Variants in RYR3 observed in about 807,000 individuals in gnomAD.
RYR3 encodes the protein ryanodine receptor 3.
RYR3 carries 207 observed loss-of-function variants against 584.3 expected under a neutral mutation model. That is an observed-to-expected ratio of 0.35 (90% CI 0.32 to 0.40). RYR3 has a LOEUF of 0.40. Ranked by LOEUF, RYR3 falls within the 10% of genes least tolerant of loss-of-function variation. The pLI is 1.00. For synonymous variants in RYR3, 2,416 were observed against 2,248.5 expected (o/e 1.07, Z -2.11); for missense variants, 5,616 against 6,089.2 (o/e 0.92, Z 2.59).
At position 33,563,030 on chromosome 15, in the gene RYR3, T is replaced by C. The variant is rs1472467320; in HGVS notation, c.1146+20T>C. The C allele has an allele frequency of 1.3e-6, 2 of 1,589,348 alleles. No homozygotes were observed. The highest frequency in any genetic ancestry group is 1.4e-5 in the African/African-American group (1 of 74,050). On this transcript the variant is annotated intron_variant, in intron 11 of 103. Transcript: ENST00000634891. ...AGAAAGGTGAGAGTCAGAATATCTG[T>C]CTACAATTGTTTTACCCTGAGTTGG...
At chr15:33,514,797 C>A (rs575489394) in intron 3 of RYR3, among the ~76,000 whole-genome samples, 1 of 151,822 alleles carries the variant, frequency 6.6e-6, no homozygotes, top group Non-Finnish European at 1.5e-5. Flanking sequence ...GTCAGGAGAT[C>A]GAGACCATCC....
Position 33,853,544 on chromosome 15 carries a change from C to G in RYR3, c.13672-11C>G, listed in dbSNP as rs1417012328. Reference sequence around the variant, plus strand: ...TGTGGCCTGAGCTCACCCTGTCATCCTTTGCTTCAGGTGATCAACAAGTAT... The same window carrying G: ...TGTGGCCTGAGCTCACCCTGTCATCGTTTGCTTCAGGTGATCAACAAGTAT... On this transcript the variant is annotated splice_polypyrimidine_tract_variant and intron_variant, in intron 95 of 103. Coordinates refer to ENST00000634891, the MANE Select transcript of RYR3 (RefSeq NM_001036.6). The G allele has an allele frequency of 6.2e-7, 1 of 1,612,346 alleles. No homozygotes were observed. The highest frequency in any genetic ancestry group is 1.3e-5 in the African/African-American group (1 of 74,874).
chr15:33,539,106 C>T (rs1052763403), intron 5 of RYR3: 15 of 300,916 alleles, frequency 5.0e-5, no homozygotes, highest in South Asian at 1.1e-4. Flanking sequence ...CTATAGTTTC[C>T]GGCCTCCAAT....
chr15:33,332,198 T>C (rs563658272), intron 1 of RYR3, among the ~76,000 whole-genome samples: 1 of 152,188 alleles, frequency 6.6e-6, no homozygotes, highest in South Asian at 2.1e-4. Context: ...AGCTAAAGAT[T>C]CTCAGAATGG....
At chr15:33,366,195 G>A (rs954334094) in intron 1 of RYR3, among the ~76,000 whole-genome samples, 2 of 152,060 alleles carry the variant, frequency 1.3e-5, no homozygotes, top group Non-Finnish European at 2.9e-5. Flanking sequence ...ATTGGCAAAT[G>A]TGTTTTATGA....
At chr15:33,641,288 G>A (rs1467909402) in intron 27 of RYR3, among the ~76,000 whole-genome samples, 1 of 152,242 alleles carries the variant, frequency 6.6e-6, no homozygotes, top group African/African-American at 2.4e-5. Flanking sequence ...CCAGGTAGCA[G>A]ATGTTGAGCC....
At chr15:33,772,802 T>C (rs2073683338) in intron 63 of RYR3, among the ~76,000 whole-genome samples, 1 of 152,236 alleles carries the variant, frequency 6.6e-6, no homozygotes, top group South Asian at 2.1e-4. Context: ...CAGTGATTTC[T>C]GTTGTGTGGG....
intron 17 of RYR3, among the ~76,000 whole-genome samples, chr15:33,602,062 C>T (rs558593752): frequency 2.2e-4 from 33 of 152,322 alleles, no homozygotes; most frequent in African/African-American, 7.7e-4. Flanking sequence ...CATGTGGCTG[C>T]ACGTGAGTCA....
Position 33,820,785 on chromosome 15 carries a change from A to T in RYR3, c.10788A>T (p.Glu3596Asp), listed in dbSNP as rs200647737. ...KSCQSGEDEE[E>D]DEDKEKTFEE... ...GTCAAAGTGGTGAGGATGAAGAAGA[A>T]GATGAAGACAAGGAAAAAACATTCG... is the stretch of plus-strand genomic sequence containing the variant. Residue 3596 changes from glutamate (E) to aspartate (D), a missense_variant, in exon 78 of 104, where the codon GAA becomes GAT. This residue lies in a region of RYR3 where 954 missense variants were observed against 1,132.2 expected (regional missense o/e 0.84). Coordinates refer to ENST00000634891, the MANE Select transcript of RYR3 (RefSeq NM_001036.6). 1.4e-4 allele frequency: 231 copies of T among 1,604,652 alleles called. No homozygotes were observed. In the African/African-American group the frequency reaches 2.9e-3, roughly 20 times the overall value.
intron 85 of RYR3, among the ~76,000 whole-genome samples, chr15:33,828,960 C>T (rs1306194294): frequency 6.6e-6 from 1 of 152,188 alleles, no homozygotes; most frequent in Admixed American, 6.5e-5. Flanking sequence ...CTTCAAAGGA[C>T]AGGCTGACTT....
In RYR3 at chr15:33,805,469, CTTTT is replaced by C. The variant is rs61113827; in HGVS notation, c.10012-2073_10012-2070del. On this transcript the variant is annotated intron_variant, in intron 69 of 103. Transcript: ENST00000634891. ...TCCCTCCCCTACCACTTTTCTCTCT[CTTTT>C]TTTTTTTTTTTTCTTCTTCTTTGAG... Among the ~76,000 whole-genome samples the C allele has an allele frequency of 2.0e-4, 28 of 138,282 alleles. 1 individual carries two copies. The East Asian group carries it at 3.4e-3, about 17-fold the overall frequency. The allele number at this position is 138,282 out of a possible 152,430, so 90.7% of individuals were successfully genotyped here. A position where few individuals can be genotyped will look rare whatever the true frequency, so the allele number is the denominator to read the frequency against.
intron 69 of RYR3, among the ~76,000 whole-genome samples, chr15:33,806,942 A>T (rs732421): frequency 0.16 from 23,482 of 148,546 alleles, 1,980 homozygotes; most frequent in Middle Eastern, 0.26. Context: ...TTTTGTAAAG[A>T]CAGTGGCTAT....
rs151021795 is a variant in RYR3 at position 33,526,595 on chromosome 15, C to T, written c.280-3997C>T. Among the ~76,000 whole-genome samples, 10 of 151,546 alleles carry T rather than the reference C, an allele frequency of 6.6e-5. No individual in the cohort carries two copies. The East Asian group carries it at 1.5e-3, about 23-fold the overall frequency. The stretch of plus-strand genomic sequence containing the variant: ...TTAGACCTAAGTTCAAATCCAAACA[C>T]GTTGCTGACAAGCTCGTCATGGGAA... On this transcript the variant is annotated intron_variant, in intron 3 of 103. Transcript: ENST00000634891.
chr15:33,474,701 C>T (rs886237637), intron 2 of RYR3, among the ~76,000 whole-genome samples: 32 of 152,046 alleles, frequency 2.1e-4, no homozygotes, highest in Non-Finnish European at 1.0e-4. Context: ...TTAAAAAAAC[C>T]GAAAACAAAA....
In RYR3 at chr15:33,659,733, C is replaced by T; in HGVS notation, c.4322C>T (p.Thr1441Ile). 1 of 1,611,184 alleles carries T rather than the reference C, an allele frequency of 6.2e-7. No individual in the cohort carries two copies. The highest frequency in any genetic ancestry group is 8.5e-7 in the Non-Finnish European group (1 of 1,177,392). The part of the protein sequence containing the change: ...LGTCYQVEPN[T>I]KVFPAVFLQP... ...TTTGATTTCCAGGTGGAGCCTAATA[C>T]CAAAGTGTTTCCAGCAGTCTTCCTG... Residue 1441 changes from threonine (T) to isoleucine (I), a missense_variant, in exon 33 of 104, where the codon ACC (threonine) becomes ATC (isoleucine). Around this residue, in one of 9 missense-constraint regions of RYR3, gnomAD observed 753 missense variants for 741.0 expected, o/e 1.02. Coordinates refer to ENST00000634891, the MANE Select transcript of RYR3 (RefSeq NM_001036.6).
chr15:33,502,419 A>T (rs1385843668), intron 2 of RYR3, among the ~76,000 whole-genome samples: 1 of 152,212 alleles, frequency 6.6e-6, no homozygotes, highest in Non-Finnish European at 1.5e-5. Context: ...AGTGTTAGGC[A>T]TGGCTGTCGG....
intron 1 of RYR3, among the ~76,000 whole-genome samples, chr15:33,365,051 G>A (rs1233174936): frequency 1.3e-5 from 2 of 152,200 alleles, no homozygotes; most frequent in Non-Finnish European, 2.9e-5. Flanking sequence ...GAGTATGACA[G>A]GGTAGCAGCA....
At chr15:33,531,296 T>TG (rs1302413529) in intron 4 of RYR3, among the ~76,000 whole-genome samples, 1 of 152,070 alleles carries the variant, frequency 6.6e-6, no homozygotes, top group Admixed American at 6.6e-5. Context: ...TTGAAAAAAT[T>TG]GCTACATTTT....
At chr15:33,531,239 A>G (rs1008913724) in intron 4 of RYR3, among the ~76,000 whole-genome samples, 2 of 152,202 alleles carry the variant, frequency 1.3e-5, no homozygotes, top group Non-Finnish European at 2.9e-5. Flanking sequence ...ATTACTAATC[A>G]GGGATCTAGA....
Sources: allele counts gnomAD v4.1 joint callset (sites outside exome capture counted in the v4.1 genomes callset), GRCh38; gene constraint gnomAD v4.1.1; regional missense constraint gnomAD v4.1.1; transcripts MANE v1.5; gene names NCBI Gene and HGNC (gene_info 2026-07-23, HGNC 2026-07-21).